KLHL2: variants seen among roughly 807,000 people sequenced by gnomAD.
KLHL2 encodes the protein kelch-like protein 2.
A neutral mutation model predicts 75.8 loss-of-function variants in KLHL2; 15 were observed. That is an observed-to-expected ratio of 0.20 (90% CI 0.13 to 0.30). The LOEUF (loss-of-function observed/expected upper bound fraction) is 0.30. Ranked by LOEUF, KLHL2 falls within the 10% of genes least tolerant of loss-of-function variation. The pLI, the probability that KLHL2 is intolerant of heterozygous loss-of-function variation, is 1.00. For synonymous variants in KLHL2, 214 were observed against 251.9 expected (o/e 0.85, Z 1.42); for missense variants, 381 against 741.0 (o/e 0.51, Z 5.64).
intron 6 of KLHL2, 38 bp from the exon 7 acceptor site, chr4:165,297,571 T>C: frequency 8.2e-7 from 1 of 1,219,402 alleles, no homozygotes; most frequent in Non-Finnish European, 1.2e-6. Context: ...GATACACAAC[T>C]CATTTCTTAT....
intron 8 of KLHL2, 52 bp from the exon 9 acceptor site, chr4:165,305,556 C>A: frequency 1.4e-6 from 2 of 1,400,310 alleles, no homozygotes; most frequent in East Asian, 2.3e-5. Context: ...CATTTTAAAT[C>A]CTGAATATGT....
intron 14 of KLHL2, among the ~76,000 whole-genome samples, chr4:165,320,798 A>G (rs1746917268): frequency 6.6e-6 from 1 of 152,236 alleles, no homozygotes. Flanking sequence ...AGTCAAAGAA[A>G]TCATGAAAGA....
At chr4:165,232,931 G>T (rs2111062621) in intron 3 of KLHL2, among the ~76,000 whole-genome samples, 1 of 110,354 alleles carries the variant, frequency 9.1e-6, no homozygotes, top group East Asian at 3.0e-4. Context: ...AGGTTAACAA[G>T]TAGACCATTG....
chr4:165,279,670 G>A (rs10020255), intron 5 of KLHL2: 2 of 1,594,798 alleles, frequency 1.3e-6, no homozygotes, highest in East Asian at 2.2e-5. Flanking sequence ...GTCCGCCCGC[G>A]TTTGCGGCCG....
chr4:165,264,328 G>C (rs1741966099), intron 5 of KLHL2, among the ~76,000 whole-genome samples: 1 of 151,414 alleles, frequency 6.6e-6, no homozygotes, highest in Admixed American at 6.6e-5. Context: ...CTGAGTAGTA[G>C]ACATTGTACT....
chr4:165,240,792 G>C (rs1290103866), intron 4 of KLHL2, among the ~76,000 whole-genome samples: 1 of 152,166 alleles, frequency 6.6e-6, no homozygotes, highest in Admixed American at 6.5e-5. Flanking sequence ...CACATAATGG[G>C]CCACATGGGA....
intron 5 of KLHL2, among the ~76,000 whole-genome samples, chr4:165,275,168 T>C (rs1272105822): frequency 6.6e-6 from 1 of 152,084 alleles, no homozygotes; most frequent in Non-Finnish European, 1.5e-5. Context: ...TGAAATTATT[T>C]TTTGTATCAT....
At chr4:165,222,746 T>G (rs1285859172) in intron 2 of KLHL2, among the ~76,000 whole-genome samples, 1 of 152,242 alleles carries the variant, frequency 6.6e-6, no homozygotes, top group Non-Finnish European at 1.5e-5. Flanking sequence ...AATTATTTCC[T>G]GTCCTTGCGT....
At chr4:165,258,374 A>C (rs1741363152) in intron 4 of KLHL2, among the ~76,000 whole-genome samples, 1 of 145,146 alleles carries the variant, frequency 6.9e-6, no homozygotes, top group African/African-American at 2.6e-5. Context: ...GTACTGCATG[A>C]TGGTCTGTGC....
intron 8 of KLHL2, among the ~76,000 whole-genome samples, chr4:165,304,868 A>G (rs1745606909): frequency 6.6e-6 from 1 of 152,206 alleles, no homozygotes; most frequent in Non-Finnish European, 1.5e-5. Context: ...TATATTTCTT[A>G]TGTATAACAC....
chr4:165,232,773 C>G lies in KLHL2; in HGVS notation c.259+3860C>G, dbSNP rs10027945. On this transcript the variant is annotated intron_variant, in intron 3 of 14. Transcript: ENST00000226725. ...AAATGAAAAAGAAAAAAAGAAGACA[C>G]GGGGATTGGGTCTAGGTAATTTAGT... Among the ~76,000 whole-genome samples the G allele has an allele frequency of 2.7e-3, 411 of 150,960 alleles. 1 individual carries two copies. The highest frequency in any genetic ancestry group is 9.6e-3 in the African/African-American group (395 of 41,042).
intron 5 of KLHL2, among the ~76,000 whole-genome samples, chr4:165,269,353 T>C (rs892439554): frequency 1.3e-5 from 2 of 152,186 alleles, no homozygotes; most frequent in African/African-American, 4.8e-5. Context: ...ATCCTGTCAT[T>C]ATGATGTTAG....
At chr4:165,256,626 A>G (rs1741197566) in intron 4 of KLHL2, among the ~76,000 whole-genome samples, 1 of 152,240 alleles carries the variant, frequency 6.6e-6, no homozygotes, top group Non-Finnish European at 1.5e-5. Flanking sequence ...ATTTGCTAGC[A>G]TTGTAGAGAT....
intron 1 of KLHL2, among the ~76,000 whole-genome samples, chr4:165,213,029 A>G (rs916385264): frequency 2.6e-5 from 4 of 152,246 alleles, no homozygotes; most frequent in Non-Finnish European, 5.9e-5. Context: ...ACTTCATTTT[A>G]TAACATTTCC....
intron 1 of KLHL2, among the ~76,000 whole-genome samples, chr4:165,217,003 A>C (rs556135269): frequency 6.6e-6 from 1 of 152,316 alleles, no homozygotes; most frequent in Non-Finnish European, 1.5e-5. Context: ...TCTCCAATGC[A>C]GGGAATTTTA....
chr4:165,264,565 A>G (rs2111241934), intron 5 of KLHL2, among the ~76,000 whole-genome samples: 1 of 145,312 alleles, frequency 6.9e-6, no homozygotes, highest in Middle Eastern at 3.6e-3. Flanking sequence ...TTCTTTTTTT[A>G]TGGCAGAGTA....
At chr4:165,295,121 G>A (rs1191206834) in intron 6 of KLHL2, among the ~76,000 whole-genome samples, 1 of 152,126 alleles carries the variant, frequency 6.6e-6, no homozygotes, top group Admixed American at 6.5e-5. Flanking sequence ...TCAGCCACCT[G>A]CACTTTTCGT....
intron 4 of KLHL2, among the ~76,000 whole-genome samples, chr4:165,239,763 A>G (rs1217458491): frequency 6.6e-6 from 1 of 152,226 alleles, no homozygotes; most frequent in Non-Finnish European, 1.5e-5. Context: ...AACCTACCCC[A>G]GTCCACATAC....
Position 165,264,745 on chromosome 4 carries a change from T to TATATATAC in KLHL2, c.544+1393_544+1394insCATATATA, listed in dbSNP as rs1553958084. Among the ~76,000 whole-genome samples the TATATATAC allele has an allele frequency of 1.6e-4, 13 of 82,060 alleles. 2 individuals carry two copies. Among genetic ancestry groups the TATATATAC allele is most frequent in the Non-Finnish European group, 2.8e-4 (12 of 42,206 alleles). The allele number at this position is 82,060 out of a possible 152,430, so 53.8% of individuals were successfully genotyped here. On this transcript the variant is annotated intron_variant, in intron 5 of 14. Coordinates refer to ENST00000226725, the MANE Select transcript of KLHL2 (RefSeq NM_007246.4). ...ACATATATATATATATATATGTATA[T>TATATATAC]ATATATATATATATATATATAAAAC...
Sources: gnomAD v4.1 joint callset for allele counts (sites outside exome capture counted in the v4.1 genomes callset) on GRCh38, gnomAD v4.1.1 for gene constraint, MANE v1.5 for transcripts, NCBI Gene and HGNC (gene_info 2026-07-23, HGNC 2026-07-21) for gene names.